The following FBP1 variants were observed in gnomAD, a reference collection of about 807,000 sequenced individuals.
FBP1 encodes fructose-bisphosphatase 1.
A neutral mutation model predicts 29.9 loss-of-function variants in FBP1; 22 were observed. That is an observed-to-expected ratio of 0.74 (90% CI 0.53 to 1.05). The LOEUF (loss-of-function observed/expected upper bound fraction) is 1.05, where lower values mean the gene tolerates loss of function less well. Ranked by LOEUF, FBP1 falls within the 50% of genes least tolerant of loss-of-function variation. The pLI, the probability that FBP1 is intolerant of heterozygous loss-of-function variation, is 0.00. For missense variants in FBP1, 345 were observed against 448.2 expected, an observed-to-expected ratio of 0.77 and a Z score of 2.08; for synonymous variants, 175 against 178.6, an observed-to-expected ratio of 0.98 and a Z score of 0.16.
chr9:94,604,652 CGG>C (rs1827669776), intron 6 of FBP1, among the ~76,000 whole-genome samples: 4 of 152,054 alleles, frequency 2.6e-5, no homozygotes, highest in Admixed American at 2.6e-4. Flanking sequence ...GGCGTGGTGG[CGG>C]GCACCTGTAA....
At chr9:94,608,121 A>G (rs1769251) in intron 4 of FBP1, among the ~76,000 whole-genome samples, 146,803 of 152,332 alleles carry the variant, frequency 0.96, 70,760 homozygotes, top group East Asian at 1. Flanking sequence ...GCAAAGGAGG[A>G]AAGTCTGTGT....
chr9:94,623,092 C>A (rs1827971770), intron 1 of FBP1, among the ~76,000 whole-genome samples: 1 of 152,128 alleles, frequency 6.6e-6, no homozygotes, highest in Non-Finnish European at 1.5e-5. Flanking sequence ...TCAAGCGATT[C>A]TCGTGCCTCA....
intron 3 of FBP1, among the ~76,000 whole-genome samples, chr9:94,614,143 G>T (rs949398751): frequency 7.0e-6 from 1 of 143,848 alleles, no homozygotes; most frequent in Non-Finnish European, 1.5e-5. Context: ...GGAGGGAGAA[G>T]GAGGAGGGGA....
At chr9:94,626,763 A>G (rs926904951) in intron 1 of FBP1, among the ~76,000 whole-genome samples, 6 of 152,184 alleles carry the variant, frequency 3.9e-5, no homozygotes, top group Admixed American at 2.0e-4. Context: ...TAGAAATACT[A>G]AATGTCTGGC....
At chr9:94,636,781 C>T (rs1340350174) in intron 1 of FBP1, among the ~76,000 whole-genome samples, 8 of 151,878 alleles carry the variant, frequency 5.3e-5, no homozygotes, top group South Asian at 2.1e-4. Context: ...CTCCGCCTCC[C>T]GGGTTCAAGC....
At position 94,617,760 on chromosome 9, in the gene FBP1, C is replaced by G. The variant is rs761151223; in HGVS notation, c.426+8G>C. 1 of 1,588,822 alleles carries G rather than the reference C, an allele frequency of 6.3e-7. No individual in the cohort carries two copies. The highest frequency in any genetic ancestry group is 1.7e-5 in the Admixed American group (1 of 59,982). Reference sequence around the variant, plus strand: ...CCCAAACCAAGTGCTTAAGATATCACGTTTTACCTTTCTATAGATGCCAAA... The same window carrying G: ...CCCAAACCAAGTGCTTAAGATATCAGGTTTTACCTTTCTATAGATGCCAAA... On this transcript the variant is annotated splice_region_variant and intron_variant, in intron 3 of 6. Transcript: ENST00000375326.
At position 94,603,154 on chromosome 9, in the gene FBP1, T is replaced by C; in HGVS notation, c.*227A>G. On this transcript the variant is annotated 3_prime_UTR_variant, in exon 7 of 7. Transcript: ENST00000375326. ...AGACTTTTTTTTAAGGAGGAATAAG[T>C]TTATTTCTCCTCCATCCACTCAAAA... The C allele has an allele frequency of 3.5e-6, 2 of 573,846 alleles. No individual in the cohort carries two copies. The highest frequency in any genetic ancestry group is 6.3e-6 in the Non-Finnish European group (2 of 319,530). 35.5% of individuals were successfully genotyped at this position (573,846 alleles called of 1,614,324 possible). A position where few individuals can be genotyped will look rare whatever the true frequency, so the allele number is the denominator to read the frequency against.
intron 1 of FBP1, among the ~76,000 whole-genome samples, chr9:94,636,944 C>A (rs1375618942): frequency 6.6e-6 from 1 of 152,110 alleles, no homozygotes; most frequent in East Asian, 1.9e-4. Context: ...CCCGTCTCAG[C>A]CTCCCAAAGT....
At position 94,639,352 on chromosome 9, in the gene FBP1, A is replaced by T; in HGVS notation, c.-42T>A. ...GCGCGGGGCTGCAGGTGCAAGCGGC[A>T]GGTGCGGGGCTGCAGGTGCGGGCGG... On this transcript the variant is annotated 5_prime_UTR_variant, in exon 1 of 7. Coordinates refer to ENST00000375326, the MANE Select transcript of FBP1 (RefSeq NM_000507.4). The T allele has an allele frequency of 6.3e-7, 1 of 1,581,850 alleles. No homozygotes were observed.
chr9:94,620,235 G>T, intron 2 of FBP1, 94 bp downstream of exon 2: 1 of 1,369,464 alleles, frequency 7.3e-7, no homozygotes. Context: ...GGGACTCCCA[G>T]AAACCCAGCT....
In FBP1 at chr9:94,603,246, AT is replaced by A. The variant is rs1564191831; in HGVS notation, c.*134del. 1 of 775,748 alleles carries A rather than the reference AT, an allele frequency of 1.3e-6. No homozygotes were observed. Among genetic ancestry groups the A allele is most frequent in the Non-Finnish European group, 2.3e-6 (1 of 443,092 alleles). The allele number at this position is 775,748 out of a possible 1,614,324, so 48.1% of individuals were successfully genotyped here. ...TAGGGAGTGCCAAGCATTCTACAGC[AT>A]TTGATGGTGGAAATAGTCATGCTTT... On this transcript the variant is annotated 3_prime_UTR_variant, in exon 7 of 7. Transcript: ENST00000375326.
At chr9:94,629,610 C>A (rs2131499413) in intron 1 of FBP1, among the ~76,000 whole-genome samples, 1 of 152,252 alleles carries the variant, frequency 6.6e-6, no homozygotes, top group Non-Finnish European at 1.5e-5. Flanking sequence ...AAGAGTGAGA[C>A]ACCAGCATTG....
At chr9:94,614,908 AT>A in intron 3 of FBP1, among the ~76,000 whole-genome samples, 1 of 151,898 alleles carries the variant, frequency 6.6e-6, no homozygotes, top group African/African-American at 2.4e-5. Context: ...TAATTAATTA[AT>A]TTATTTATTT....
In FBP1 at chr9:94,639,128, A is replaced by G. The variant is rs770415630; in HGVS notation, c.170+13T>C. The stretch of plus-strand genomic sequence containing the variant: ...CAGACAGGACGGGGCCCACCGCCCA[A>G]GGCCCGACTCACAGGTGCGCGATGC... On this transcript the variant is annotated intron_variant, in intron 1 of 6. Transcript: ENST00000375326. 8 of 1,589,206 alleles carry G rather than the reference A, an allele frequency of 5.0e-6. No homozygotes were observed. In the African/African-American group the frequency reaches 6.7e-5, roughly 13 times the overall value.
At chr9:94,639,908 G>C (rs1239060019), upstream of FBP1, 1 of 183,186 alleles carries the variant, frequency 5.5e-6, no homozygotes, top group Non-Finnish European at 1.1e-5. Context: ...AGTCCACATG[G>C]CCTGGCTTTA....
intron 2 of FBP1, among the ~76,000 whole-genome samples, chr9:94,618,195 C>T (rs1827891702): frequency 6.6e-6 from 1 of 152,102 alleles, no homozygotes; most frequent in African/African-American, 2.4e-5. Flanking sequence ...AGGTTAGTCA[C>T]TCATTTTCCT....
intron 3 of FBP1, among the ~76,000 whole-genome samples, chr9:94,612,353 C>T (rs756632243): frequency 3.9e-5 from 6 of 152,072 alleles, no homozygotes; most frequent in East Asian, 1.9e-4. Context: ...CCATCCGTGC[C>T]GGCCTGTGGC....
chr9:94,612,007 G>T (rs1488370416), intron 3 of FBP1, among the ~76,000 whole-genome samples: 4 of 152,226 alleles, frequency 2.6e-5, no homozygotes, highest in Non-Finnish European at 5.9e-5. Flanking sequence ...GAGGTGGTTA[G>T]TTAGCTGGTT....
intron 1 of FBP1, among the ~76,000 whole-genome samples, chr9:94,621,212 TCAAAAAAAAAAAAAAA>T (rs1587861045): frequency 7.5e-3 from 172 of 23,082 alleles, no homozygotes; most frequent in East Asian, 0.024. Context: ...AGACTCCGTC[TCAAAAAAAAAAAAAAA>T]AAAAAAAAAT....
Sources: gnomAD v4.1 joint callset for allele counts (sites outside exome capture counted in the v4.1 genomes callset) on GRCh38, gnomAD v4.1.1 for gene constraint, MANE v1.5 for transcripts, NCBI Gene and HGNC (gene_info 2026-07-23, HGNC 2026-07-21) for gene names.